OPHN1: variants seen among roughly 807,000 people sequenced by gnomAD.
The protein encoded by OPHN1 is oligophrenin 1, also known as oligophrenin-1.
Under a neutral mutation model 60.7 loss-of-function variants are expected in OPHN1, and 11 were observed. That is an observed-to-expected ratio of 0.18 (90% CI 0.11 to 0.30). The LOEUF (loss-of-function observed/expected upper bound fraction) is 0.30, where lower values mean the gene tolerates loss of function less well. Ranked by LOEUF, OPHN1 falls within the 10% of genes least tolerant of loss-of-function variation. OPHN1 has a pLI of 1.00. For synonymous variants in OPHN1, 226 were observed against 222.6 expected, an observed-to-expected ratio of 1.02 and a Z score of -0.14; for missense variants, 449 against 611.0, an observed-to-expected ratio of 0.73 and a Z score of 2.80.
chrX:68,380,340 C>T (rs2078589372), intron 2 of OPHN1, among the ~76,000 whole-genome samples: 1 of 111,135 alleles, frequency 9.0e-6, no homozygotes, highest in Non-Finnish European at 1.9e-5. Context: ...ATTAGTCTTG[C>T]TAGCGGTCTA....
chrX:68,168,314 C>T (rs1419336302), intron 15 of OPHN1, among the ~76,000 whole-genome samples: 2 of 111,404 alleles, frequency 1.8e-5, no homozygotes, highest in South Asian at 3.8e-4. Flanking sequence ...TCTCAGACCA[C>T]GGTGCAATCA....
chrX:68,329,081 C>T (rs2078282348), intron 2 of OPHN1, among the ~76,000 whole-genome samples: 1 of 111,529 alleles, frequency 9.0e-6, no homozygotes, highest in South Asian at 3.8e-4. Flanking sequence ...CCACGCCCCG[C>T]TAATTTTTGT....
At chrX:68,366,025 T>C (rs1274591382) in intron 2 of OPHN1, among the ~76,000 whole-genome samples, 2 of 109,252 alleles carry the variant, frequency 1.8e-5, no homozygotes, top group African/African-American at 3.3e-5. Flanking sequence ...TTTGAGCACA[T>C]TGCTGACGAA....
chrX:68,262,070 G>A (rs1292662450), intron 5 of OPHN1, among the ~76,000 whole-genome samples: 1 of 111,691 alleles, frequency 9.0e-6, no homozygotes, highest in African/African-American at 3.3e-5. Context: ...TAAAATAACA[G>A]AAGTAAGCAG....
At chrX:68,311,355 C>A (rs771558670) in intron 2 of OPHN1, among the ~76,000 whole-genome samples, 2 of 112,192 alleles carry the variant, frequency 1.8e-5, no homozygotes, top group South Asian at 7.4e-4. Flanking sequence ...GGGCAATTCA[C>A]GTAGAATACA....
At chrX:68,344,106 T>C (rs1170820479) in intron 2 of OPHN1, among the ~76,000 whole-genome samples, 1 of 111,941 alleles carries the variant, frequency 8.9e-6, no homozygotes, top group Non-Finnish European at 1.9e-5. Flanking sequence ...TATCCAAAGG[T>C]GTTGTCAACC....
At chrX:68,097,353 A>G (rs2077041878) in intron 18 of OPHN1, among the ~76,000 whole-genome samples, 1 of 111,053 alleles carries the variant, frequency 9.0e-6, no homozygotes, top group African/African-American at 3.3e-5. Context: ...AGGACATTCA[A>G]AGCAAGAGGA....
chrX:68,398,657 T>G (rs964234841), intron 2 of OPHN1, among the ~76,000 whole-genome samples: 1 of 111,146 alleles, frequency 9.0e-6, no homozygotes, highest in South Asian at 3.8e-4. Context: ...CCTAAATATA[T>G]ACAAAATCTG....
chrX:68,191,111 A>G (rs1463297372), intron 15 of OPHN1, among the ~76,000 whole-genome samples: 1 of 111,641 alleles, frequency 9.0e-6, no homozygotes, highest in African/African-American at 3.3e-5. Flanking sequence ...TCCACACTCA[A>G]TTTGTTCTCT....
intron 5 of OPHN1, among the ~76,000 whole-genome samples, chrX:68,263,581 G>A (rs1237838646): frequency 1.8e-5 from 2 of 111,634 alleles, no homozygotes; most frequent in Non-Finnish European, 3.8e-5. Flanking sequence ...GCCAGGTACT[G>A]TACTAAGAAC....
chrX:68,061,014 T>C (rs1230442139), intron 21 of OPHN1, among the ~76,000 whole-genome samples: 3 of 110,891 alleles, frequency 2.7e-5, no homozygotes, highest in African/African-American at 6.6e-5. Context: ...GAATAGATAG[T>C]GTAGGTTAGG....
chrX:68,214,815 G>A (rs2077600784), intron 6 of OPHN1, among the ~76,000 whole-genome samples: 1 of 110,773 alleles, frequency 9.0e-6, no homozygotes, highest in African/African-American at 3.3e-5. Context: ...TGGCCAACAT[G>A]GAGAAACCCT....
intron 2 of OPHN1, among the ~76,000 whole-genome samples, chrX:68,371,806 G>A (rs946442747): frequency 9.8e-5 from 11 of 112,322 alleles, no homozygotes; most frequent in East Asian, 5.7e-4. Context: ...GTGCAGTGGC[G>A]CGATCTCGGC....
chrX:68,360,695 AT>A (rs2078468012), intron 2 of OPHN1, among the ~76,000 whole-genome samples: 1 of 110,938 alleles, frequency 9.0e-6, no homozygotes, highest in African/African-American at 3.3e-5. Context: ...AGGTAGGAGG[AT>A]GTCTTGAGCC....
intron 2 of OPHN1, among the ~76,000 whole-genome samples, chrX:68,427,573 C>G (rs1273475946): frequency 9.2e-6 from 1 of 108,971 alleles, no homozygotes; most frequent in Non-Finnish European, 1.9e-5. Flanking sequence ...CATAACAGAA[C>G]CAGCACCTTA....
intron 21 of OPHN1, among the ~76,000 whole-genome samples, chrX:68,061,686 T>C (rs1458048463): frequency 9.0e-6 from 1 of 111,689 alleles, no homozygotes; most frequent in Non-Finnish European, 1.9e-5. Flanking sequence ...TTCTAACAGG[T>C]GAACTGTTTT....
chrX:68,129,069 T>C (rs2077183400), intron 15 of OPHN1, among the ~76,000 whole-genome samples: 1 of 112,122 alleles, frequency 8.9e-6, no homozygotes, highest in Non-Finnish European at 1.9e-5. Flanking sequence ...ATGGAGGAGA[T>C]AAAATGTAAA....
chrX:68,132,837 C>G (rs1039587716), intron 15 of OPHN1: 1 of 248,464 alleles, frequency 4.0e-6, no homozygotes, highest in Non-Finnish European at 7.1e-6. Context: ...TACCCGAGTC[C>G]GCTCCCGGTC....
chrX:68,147,363 T>G (rs902301333), intron 15 of OPHN1, among the ~76,000 whole-genome samples: 26 of 112,095 alleles, frequency 2.3e-4, no homozygotes, highest in African/African-American at 7.8e-4. Flanking sequence ...GATCATACAC[T>G]TGATATGAGG....
Sources: gnomAD v4.1 joint callset for allele counts (sites outside exome capture counted in the v4.1 genomes callset) on GRCh38, gnomAD v4.1.1 for gene constraint, MANE v1.5 for transcripts, NCBI Gene and HGNC (gene_info 2026-07-23, HGNC 2026-07-21) for gene names.